GPC5: variants seen among roughly 807,000 people sequenced by gnomAD.
The protein encoded by GPC5 is glypican 5.
A neutral mutation model predicts 53.9 loss-of-function variants in GPC5; 47 were observed. The ratio of observed to expected loss-of-function variants is 0.87; its 90% CI spans 0.69 to 1.11. The LOEUF (loss-of-function observed/expected upper bound fraction) is 1.11. Ranked by LOEUF, GPC5 falls within the 50% of genes most tolerant of loss-of-function variation. The pLI, the probability that GPC5 is intolerant of heterozygous loss-of-function variation, is 0.00. For missense variants in GPC5, 748 were observed against 713.1 expected, an observed-to-expected ratio of 1.05 and a Z score of -0.56; for synonymous variants, 286 against 263.3, an observed-to-expected ratio of 1.09 and a Z score of -0.84.
intron 7 of GPC5, among the ~76,000 whole-genome samples, chr13:92,729,019 C>T (rs989660668): frequency 6.6e-6 from 1 of 151,226 alleles, no homozygotes; most frequent in Non-Finnish European, 1.5e-5. Context: ...TGGTTTGGTG[C>T]TTTGCTTGCT....
At chr13:92,611,094 G>A (rs1448410385) in intron 7 of GPC5, among the ~76,000 whole-genome samples, 2 of 151,762 alleles carry the variant, frequency 1.3e-5, no homozygotes, top group African/African-American at 4.8e-5. Flanking sequence ...GAGATATGAG[G>A]ATATCTAAAA....
At chr13:92,145,128 G>A in intron 7 of GPC5, 139 bp downstream of exon 7, 1 of 712,454 alleles carries the variant, frequency 1.4e-6, no homozygotes, top group South Asian at 6.5e-5. Context: ...ATCTATTTTT[G>A]GTTTTTTAGG....
chr13:92,164,054 C>T (rs1440885526), intron 7 of GPC5, among the ~76,000 whole-genome samples: 1 of 152,054 alleles, frequency 6.6e-6, no homozygotes, highest in Admixed American at 6.6e-5. Context: ...GGAACTGCAC[C>T]CATGATTCAG....
chr13:92,182,098 AT>A (rs201448151), intron 7 of GPC5, among the ~76,000 whole-genome samples: 18 of 151,902 alleles, frequency 1.2e-4, no homozygotes, highest in African/African-American at 2.4e-4. Context: ...TTATTTATTT[AT>A]TTTTTTTGCC....
intron 1 of GPC5, among the ~76,000 whole-genome samples, chr13:91,423,574 G>C (rs896345029): frequency 1.3e-5 from 2 of 152,096 alleles, no homozygotes; most frequent in African/African-American, 4.8e-5. Context: ...ACCAGTAGAG[G>C]GGGGGTGTGG....
intron 6 of GPC5, among the ~76,000 whole-genome samples, chr13:92,129,542 T>C (rs1303686674): frequency 6.6e-6 from 1 of 152,188 alleles, no homozygotes; most frequent in Non-Finnish European, 1.5e-5. Context: ...GCTCCACAGA[T>C]TCACAGTTCA....
intron 7 of GPC5, among the ~76,000 whole-genome samples, chr13:92,506,927 A>T (rs1379621578): frequency 6.6e-6 from 1 of 152,208 alleles, no homozygotes; most frequent in African/African-American, 2.4e-5. Context: ...CATACAGATC[A>T]TTGCACTTAA....
chr13:91,496,912 C>T (rs137917725), intron 2 of GPC5, among the ~76,000 whole-genome samples: 2 of 152,082 alleles, frequency 1.3e-5, no homozygotes, highest in Non-Finnish European at 2.9e-5. Context: ...CTAATATGTA[C>T]CCGCAACAGT....
At chr13:92,150,276 G>A (rs2041898155) in intron 7 of GPC5, among the ~76,000 whole-genome samples, 1 of 147,636 alleles carries the variant, frequency 6.8e-6, no homozygotes, top group Non-Finnish European at 1.5e-5. Context: ...AACCCTGCAT[G>A]ATAAAACCAT....
chr13:92,543,949 T>C (rs2139005676), intron 7 of GPC5, among the ~76,000 whole-genome samples: 1 of 152,194 alleles, frequency 6.6e-6, no homozygotes, highest in African/African-American at 2.4e-5. Flanking sequence ...TGTTATGTTA[T>C]TGGGCTATAT....
chr13:92,106,821 A>T (rs2041514016), intron 6 of GPC5, among the ~76,000 whole-genome samples: 1 of 151,500 alleles, frequency 6.6e-6, no homozygotes. Context: ...AATCATTAAA[A>T]CCTCTGACTC....
intron 7 of GPC5, among the ~76,000 whole-genome samples, chr13:92,505,696 G>A (rs1403891993): frequency 6.6e-6 from 1 of 152,034 alleles, no homozygotes; most frequent in East Asian, 1.9e-4. Context: ...CCAAAAACTT[G>A]AAATAACCCA....
At chr13:92,845,343 C>G (rs78492890) in intron 7 of GPC5, among the ~76,000 whole-genome samples, 2,097 of 152,174 alleles carry the variant, frequency 0.014, 55 homozygotes, top group African/African-American at 0.048. Context: ...GCTGCAGACC[C>G]AGGAAGGCCC....
In GPC5 at chr13:92,153,089, G is replaced by T. The variant is rs532583490; in HGVS notation, c.1561+8100G>T. Among the ~76,000 whole-genome samples the T allele has an allele frequency of 9.9e-5, 15 of 152,200 alleles. No individual in the cohort carries two copies. In the South Asian group the frequency reaches 3.1e-3, roughly 32 times the overall value. The stretch of plus-strand genomic sequence containing the variant: ...TTTTGTTAAACAGTGTGGTTTTGAG[G>T]CTTATCCATGCTGATGGATATAGGT... On this transcript the variant is annotated intron_variant, in intron 7 of 7. Transcript: ENST00000377067.
intron 7 of GPC5, among the ~76,000 whole-genome samples, chr13:92,295,423 A>C (rs539621263): frequency 6.6e-6 from 1 of 152,020 alleles, no homozygotes; most frequent in South Asian, 2.1e-4. Context: ...ATTGAGGCTC[A>C]TTTTGTGTCC....
intron 3 of GPC5, among the ~76,000 whole-genome samples, chr13:91,717,027 C>T (rs1223909013): frequency 1.3e-5 from 2 of 152,136 alleles, no homozygotes; most frequent in Non-Finnish European, 2.9e-5. Flanking sequence ...CAGGACAAAT[C>T]CCACCGGGGA....
At chr13:92,122,306 C>G (rs2041656755) in intron 6 of GPC5, among the ~76,000 whole-genome samples, 1 of 148,770 alleles carries the variant, frequency 6.7e-6, no homozygotes, top group Middle Eastern at 3.4e-3. Flanking sequence ...TTTTAATCTG[C>G]TGGCCCTTTT....
chr13:91,895,955 T>TGTGGCA (rs2039436799), intron 5 of GPC5, among the ~76,000 whole-genome samples: 1 of 152,092 alleles, frequency 6.6e-6, no homozygotes, highest in South Asian at 2.1e-4. Flanking sequence ...TTCCTGGGCT[T>TGTGGCA]GTGGCAGCAT....
In GPC5 at chr13:91,975,292, C is replaced by T. The variant is rs1341905029; in HGVS notation, c.1401+67235C>T. ...AATGGGATCTAATTAAACTAAAGAGCTTCTGCACAGCAAAAGAAACTACCG... is the reference window on the plus strand; with the variant it reads ...AATGGGATCTAATTAAACTAAAGAGTTTCTGCACAGCAAAAGAAACTACCG... On this transcript the variant is annotated intron_variant, in intron 6 of 7. Transcript: ENST00000377067. Among the ~76,000 whole-genome samples the T allele has an allele frequency of 2.6e-5, 4 of 152,132 alleles. No individual in the cohort carries two copies. In the South Asian group the frequency reaches 6.2e-4, roughly 24 times the overall value.
Sources: gnomAD v4.1 joint callset for allele counts (sites outside exome capture counted in the v4.1 genomes callset) on GRCh38, gnomAD v4.1.1 for gene constraint, MANE v1.5 for transcripts, NCBI Gene and HGNC (gene_info 2026-07-23, HGNC 2026-07-21) for gene names.